The following ATP10B variants were observed in gnomAD, a reference collection of about 807,000 sequenced individuals.
ATP10B encodes phospholipid-transporting ATPase VB.
In ATP10B, 122 loss-of-function variants were observed where a neutral mutation model predicts 141.2. That is an observed-to-expected ratio of 0.86 (90% CI 0.75 to 1.00). The LOEUF (loss-of-function observed/expected upper bound fraction) is 1.00, where lower values mean the gene tolerates loss of function less well. Among genes scored for constraint, ATP10B ranks in the 50% least tolerant of loss-of-function variants. The probability of loss-of-function intolerance (pLI) is 0.00; values close to 1 mark genes in which losing one functional copy is unlikely to be tolerated. For synonymous variants in ATP10B, 685 were observed against 692.0 expected (o/e 0.99, Z 0.16); for missense variants, 1,876 against 1,825.3 (o/e 1.03, Z -0.51).
chr5:160,682,588 C>T (rs1032741461), intron 6 of ATP10B, among the ~76,000 whole-genome samples: 28 of 152,224 alleles, frequency 1.8e-4, no homozygotes, highest in Admixed American at 1.5e-3. Flanking sequence ...GATATTCTGG[C>T]AGAGCGAGGA....
chr5:160,595,961 G>T (rs1561637737), intron 22 of ATP10B, among the ~76,000 whole-genome samples: 2 of 152,068 alleles, frequency 1.3e-5, no homozygotes, highest in African/African-American at 2.4e-5. Flanking sequence ...TCTACCAGAG[G>T]TACAAGAAGG....
chr5:160,818,542 C>T lies in ATP10B; in HGVS notation c.-575-32739G>A, dbSNP rs188817277. ...GTGGAGAAATAGGAACATTTTTACA[C>T]TGTTGGTGGGACTGTAAACTAGTTC... On this transcript the variant is annotated intron_variant, in intron 1 of 25. Coordinates refer to ENST00000327245, the MANE Select transcript of ATP10B (RefSeq NM_025153.3). 7.0e-3 allele frequency among the ~76,000 whole-genome samples: 1,062 copies of T among 152,318 alleles called. 18 individuals are homozygous for T. The highest frequency in any genetic ancestry group is 0.024 in the African/African-American group (1,001 of 41,570).
chr5:160,742,457 A>T (rs1767543465), intron 2 of ATP10B, among the ~76,000 whole-genome samples: 1 of 151,998 alleles, frequency 6.6e-6, no homozygotes, highest in Non-Finnish European at 1.5e-5. Flanking sequence ...TTATCCTCAT[A>T]CTGGGCACAT....
At chr5:160,755,734 G>A (rs1321635978) in intron 2 of ATP10B, among the ~76,000 whole-genome samples, 1 of 143,910 alleles carries the variant, frequency 6.9e-6, no homozygotes, top group African/African-American at 2.5e-5. Context: ...AGAATGGCGT[G>A]AACTCGGGAG....
chr5:160,889,503 G>T, the ATP10B span, among the ~76,000 whole-genome samples: 14 of 152,144 alleles, frequency 9.2e-5, no homozygotes, highest in Non-Finnish European at 1.5e-4. Flanking sequence ...CAACTAATTT[G>T]TTCCTCAGAC....
chr5:160,670,392 C>A, intron 7 of ATP10B, 71 bp downstream of exon 7: 1 of 1,519,670 alleles, frequency 6.6e-7, no homozygotes, highest in South Asian at 1.2e-5. Context: ...AGGTTTAGTT[C>A]AATTTTCCAG....
chr5:160,594,792 A>C (rs1215784488), intron 22 of ATP10B, among the ~76,000 whole-genome samples: 1 of 152,122 alleles, frequency 6.6e-6, no homozygotes, highest in Non-Finnish European at 1.5e-5. Context: ...GAGACAAAGA[A>C]GGCCATTACA....
At chr5:160,617,995 G>A (rs767072239) in intron 15 of ATP10B, 22 bp from the exon 16 acceptor site, 48 of 1,575,182 alleles carry the variant, frequency 3.0e-5, no homozygotes, top group Non-Finnish European at 3.8e-5. Context: ...CCATTTTCCC[G>A]CATGAGGCCA....
intron 3 of ATP10B, among the ~76,000 whole-genome samples, chr5:160,714,006 C>G (rs1331891269): frequency 2.1e-5 from 1 of 46,760 alleles, no homozygotes; most frequent in Non-Finnish European, 3.9e-5. Context: ...ATGGGCTTTC[C>G]TTTGAGGGTA....
chr5:160,877,892 C>T, the ATP10B span, among the ~76,000 whole-genome samples: 1 of 150,016 alleles, frequency 6.7e-6, no homozygotes, highest in Non-Finnish European at 1.5e-5. Flanking sequence ...AGGAAACAAA[C>T]AAATGGAAGA....
chr5:160,844,759 G>T (rs555387116), intron 1 of ATP10B, among the ~76,000 whole-genome samples: 2 of 151,928 alleles, frequency 1.3e-5, no homozygotes, highest in Non-Finnish European at 1.5e-5. Context: ...TGGCCAGGCT[G>T]GTCTTGAACT....
chr5:160,762,335 A>C (rs1329461944), intron 2 of ATP10B, among the ~76,000 whole-genome samples: 2 of 152,164 alleles, frequency 1.3e-5, no homozygotes, highest in Non-Finnish European at 2.9e-5. Context: ...GAAACCTATA[A>C]AGAACAACCT....
chr5:160,617,832 A>G, intron 16 of ATP10B, 32 bp downstream of exon 16: 2 of 1,564,402 alleles, frequency 1.3e-6, no homozygotes, highest in East Asian at 2.2e-5. Context: ...ATTTAATGAT[A>G]TTCAAAGCAC....
At chr5:160,830,041 G>A (rs1171083755) in intron 1 of ATP10B, among the ~76,000 whole-genome samples, 2 of 152,060 alleles carry the variant, frequency 1.3e-5, no homozygotes, top group African/African-American at 2.4e-5. Context: ...TTCTAAAGGG[G>A]AATGTTTCCA....
intron 1 of ATP10B, among the ~76,000 whole-genome samples, chr5:160,812,835 T>C (rs1321200941): frequency 6.6e-6 from 1 of 152,148 alleles, no homozygotes; most frequent in Admixed American, 6.5e-5. Context: ...TACGTGTAGA[T>C]AGTTTTTTCA....
chr5:160,793,902 A>C (rs1771769183), intron 1 of ATP10B, among the ~76,000 whole-genome samples: 1 of 152,188 alleles, frequency 6.6e-6, no homozygotes, highest in African/African-American at 2.4e-5. Flanking sequence ...TCAATAGAGG[A>C]ACATGCTGTA....
chr5:160,729,229 T>G (rs1358663547), intron 2 of ATP10B, among the ~76,000 whole-genome samples: 1 of 152,204 alleles, frequency 6.6e-6, no homozygotes, highest in Non-Finnish European at 1.5e-5. Flanking sequence ...AAGTGTATTT[T>G]TCCATTTCTG....
At chr5:160,589,876 A>G (rs1049431562) in intron 23 of ATP10B, among the ~76,000 whole-genome samples, 180 bp from the exon 24 acceptor site, 4 of 152,208 alleles carry the variant, frequency 2.6e-5, no homozygotes, top group Non-Finnish European at 5.9e-5. Flanking sequence ...TGATAGGACT[A>G]ATTTAGAAAT....
At chr5:160,889,819 G>A in the ATP10B span, among the ~76,000 whole-genome samples, 2 of 152,112 alleles carry the variant, frequency 1.3e-5, no homozygotes, top group African/African-American at 4.8e-5. Flanking sequence ...TGCCTTTCCT[G>A]GCAGCCTCAT....
Sources: allele counts gnomAD v4.1 joint callset (sites outside exome capture counted in the v4.1 genomes callset), GRCh38; gene constraint gnomAD v4.1.1; transcripts MANE v1.5; gene names NCBI Gene and HGNC (gene_info 2026-07-23, HGNC 2026-07-21).